Variants in DRC2 observed in about 807,000 individuals in gnomAD.
DRC2 encodes dynein regulatory complex subunit 2, also known as coiled-coil domain containing 65.
At chr12:48,920,925 A>G in the DRC2 span, 1 of 1,607,064 alleles carries the variant, frequency 6.2e-7, no homozygotes, top group Non-Finnish European at 8.5e-7. Context: ...TCCCGCTTCA[A>G]ATAGGGTGAA....
the DRC2 span, chr12:48,921,033 A>C: frequency 6.2e-7 from 1 of 1,613,240 alleles, no homozygotes. Flanking sequence ...AAGGAGCAGG[A>C]GGGGATTCAG....
chr12:48,916,859 C>A, the DRC2 span: 1 of 936,838 alleles, frequency 1.1e-6, no homozygotes, highest in Non-Finnish European at 1.6e-6. Context: ...TTTTCTCCAT[C>A]AGTACCTAAG....
the DRC2 span, among the ~76,000 whole-genome samples, chr12:48,908,793 G>C: frequency 6.6e-6 from 1 of 151,362 alleles, no homozygotes. Flanking sequence ...TAGAGATGGG[G>C]TCTCACCACA....
At chr12:48,916,631 G>GGGGGGA in the DRC2 span, among the ~76,000 whole-genome samples, 1 of 148,906 alleles carries the variant, frequency 6.7e-6, no homozygotes, top group Admixed American at 6.8e-5. Context: ...GGGAGACCAT[G>GGGGGGA]GGGAGAGGGA....
the DRC2 span, among the ~76,000 whole-genome samples, chr12:48,917,291 C>A: frequency 8.9e-6 from 1 of 112,024 alleles, no homozygotes; most frequent in Non-Finnish European, 1.8e-5. Context: ...CCATCTCTAC[C>A]GGCCCCCCCA....
At chr12:48,915,114 C>CTTTTTT in the DRC2 span, among the ~76,000 whole-genome samples, 6 of 133,920 alleles carry the variant, frequency 4.5e-5, no homozygotes, top group South Asian at 2.3e-4. Context: ...CACTTTCTTT[C>CTTTTTT]TTTTTTTTTT....
At chr12:48,904,906 G>A in the DRC2 span, 1 of 1,514,808 alleles carries the variant, frequency 6.6e-7, no homozygotes, top group Non-Finnish European at 8.9e-7. Flanking sequence ...TGTACTGAAA[G>A]GCCCTGACTT....
chr12:48,907,317 C>T, the DRC2 span, among the ~76,000 whole-genome samples: 8 of 152,126 alleles, frequency 5.3e-5, no homozygotes, highest in African/African-American at 1.7e-4. Context: ...TTATGTATCT[C>T]GTACTGTTCA....
chr12:48,918,334 G>A, the DRC2 span: 7 of 1,614,164 alleles, frequency 4.3e-6, no homozygotes, highest in South Asian at 2.2e-5. Flanking sequence ...AAGATCTGTG[G>A]AGAAAGTTCC....
the DRC2 span, among the ~76,000 whole-genome samples, chr12:48,904,664 C>T: frequency 2.6e-5 from 4 of 152,152 alleles, no homozygotes; most frequent in Admixed American, 2.0e-4. Flanking sequence ...GCGTGGTATA[C>T]GGCTTGGCAA....
At chr12:48,916,879 C>A in the DRC2 span, 1 of 1,248,242 alleles carries the variant, frequency 8.0e-7, no homozygotes, top group Non-Finnish European at 1.1e-6. Context: ...GAGTTTGTAC[C>A]ATTCACATAG....
At chr12:48,916,570 G>A in the DRC2 span, among the ~76,000 whole-genome samples, 2 of 152,190 alleles carry the variant, frequency 1.3e-5, no homozygotes, top group East Asian at 1.9e-4. Flanking sequence ...GCTTCGGCTC[G>A]GCATGAGAGG....
At chr12:48,911,625 A>G in the DRC2 span, among the ~76,000 whole-genome samples, 152 of 152,054 alleles carry the variant, frequency 1.0e-3, no homozygotes, top group Non-Finnish European at 1.8e-3. Context: ...AAAAAAGAGA[A>G]AAAGAAATAG....
chr12:48,905,112 A>G, the DRC2 span: 1 of 1,593,984 alleles, frequency 6.3e-7, no homozygotes, highest in Non-Finnish European at 8.6e-7. Flanking sequence ...AATGTCATCA[A>G]GGTAGGCACT....
the DRC2 span, chr12:48,918,692 T>A: frequency 1.2e-6 from 2 of 1,613,198 alleles, no homozygotes; most frequent in Non-Finnish European, 1.7e-6. Flanking sequence ...TAGGATGCCA[T>A]AACTATTTCA....
chr12:48,906,131 A>G, the DRC2 span, among the ~76,000 whole-genome samples: 1 of 152,160 alleles, frequency 6.6e-6, no homozygotes, highest in Admixed American at 6.5e-5. Flanking sequence ...TACATTGCCA[A>G]CATGGTATTC....
the DRC2 span, among the ~76,000 whole-genome samples, chr12:48,916,231 C>T: frequency 8.7e-5 from 13 of 149,812 alleles, no homozygotes; most frequent in South Asian, 2.1e-4. Flanking sequence ...CTCGGCACTT[C>T]GGGAGGCCAA....
At chr12:48,915,187 T>C in the DRC2 span, among the ~76,000 whole-genome samples, 7 of 147,558 alleles carry the variant, frequency 4.7e-5, no homozygotes, top group African/African-American at 1.0e-4. Flanking sequence ...CACAGGACAA[T>C]AGTGGAGGGA....
chr12:48,914,355 C>A, the DRC2 span: 1 of 1,510,774 alleles, frequency 6.6e-7, no homozygotes, highest in Non-Finnish European at 8.9e-7. Context: ...TTTATTTTCT[C>A]ACAGAGATGC....
Sources: allele counts gnomAD v4.1 joint callset (sites outside exome capture counted in the v4.1 genomes callset), GRCh38; gene constraint gnomAD v4.1.1; transcripts MANE v1.5; gene names NCBI Gene and HGNC (gene_info 2026-07-23, HGNC 2026-07-21).